NOS3: variants seen among roughly 807,000 people sequenced by gnomAD.
The protein encoded by NOS3 is nitric oxide synthase 3.
A neutral mutation model predicts 144.9 loss-of-function variants in NOS3; 98 were observed. That is an observed-to-expected ratio of 0.68 (90% confidence interval 0.57 to 0.80). The LOEUF is 0.80. NOS3 is among the 30% of genes least tolerant of loss of function. The probability of loss-of-function intolerance (pLI) is 0.00; values close to 1 mark genes in which losing one functional copy is unlikely to be tolerated. For missense variants in NOS3, 1,465 were observed against 1,656.4 expected, an observed-to-expected ratio of 0.88 and a Z score of 2.01; for synonymous variants, 714 against 702.4, an observed-to-expected ratio of 1.02 and a Z score of -0.26.
chr7:151,010,145 C>A lies in NOS3; in HGVS notation c.2543C>A (p.Pro848His). Residue 848 changes from proline (P) to histidine (H), a missense_variant, in exon 21 of 27, where the codon CCC becomes CAC. Physicochemically the swap from Pro to His is moderately conservative, Grantham distance 77. This residue lies in a region of NOS3 where 745 missense variants were observed against 853.9 expected (regional missense o/e 0.87). Coordinates refer to ENST00000297494, the MANE Select transcript of NOS3 (RefSeq NM_000603.5). Reference protein sequence around the residue: ...GGPPPGWVRDPRLPPCTLRQA... With the variant: ...GGPPPGWVRDHRLPPCTLRQA... ...CCTCCCCCCGGCTGGGTGCGGGACC[C>A]CCGGCTGCCCCCGTGCACGCTGCGC... 5.6e-6 allele frequency: 9 copies of A among 1,608,790 alleles called. No individual in the cohort carries two copies. The highest frequency in any genetic ancestry group is 7.6e-6 in the Non-Finnish European group (9 of 1,178,000).
Position 151,006,492 on chromosome 7 carries a change from C to T in NOS3, c.1818C>T (p.His606=). 1 of 1,612,912 alleles carries T rather than the reference C, an allele frequency of 6.2e-7. No individual in the cohort carries two copies. Among genetic ancestry groups the T allele is most frequent in the Non-Finnish European group, 8.5e-7 (1 of 1,179,384 alleles). ...ACAGCTCCCCTCGGCCGGAACAGCACAAGTGAGTTGGGTGAGAGTTTGGGG... is the reference window on the plus strand; with the variant it reads ...ACAGCTCCCCTCGGCCGGAACAGCATAAGTGAGTTGGGTGAGAGTTTGGGG... ...PYNSSPRPEQ[H]KSYKIRFNSI... is the part of the protein sequence containing the mutation. The change falls in exon 15 of 27, where the codon CAC becomes CAT. Residue 606 remains histidine, a splice_region_variant and synonymous_variant. Coordinates refer to ENST00000297494, the MANE Select transcript of NOS3 (RefSeq NM_000603.5).
rs147410968 is a variant in NOS3, at chr7:151,002,208, T to C, written c.1656T>C (p.Cys552=). The C allele has an allele frequency of 5.7e-5, 90 of 1,591,416 alleles. No individual in the cohort carries two copies. The highest frequency in any genetic ancestry group is 7.1e-5 in the Admixed American group (4 of 56,658). ...TGTCTTCCCACCCACAGGTCCTGTG[T>C]ATGGATGAGTATGACGTGGTGTCCC... The part of the protein sequence containing the change: ...FRKAFDPRVL[C]MDEYDVVSLE... Residue 552 remains cysteine (C), a synonymous_variant, in exon 14 of 27, where the codon TGT becomes TGC. Transcript: ENST00000297494. This position sits in a 1 kb window ranked among gnomAD's most constrained non-coding sequence, Gnocchi z 4.1.
Position 151,003,781 on chromosome 7 carries a change from G to A in NOS3, c.1752+1477G>A, listed in dbSNP as rs1795165067. ...GAGGCTGTTTTTGAGGCGCACTCGT[G>A]TTGCTGCGTGACTCAGTATTTCACT... is the stretch of plus-strand genomic sequence containing the variant. On this transcript the variant is annotated intron_variant, in intron 14 of 26. Coordinates refer to ENST00000297494, the MANE Select transcript of NOS3 (RefSeq NM_000603.5). This position sits in a 1 kb window ranked among gnomAD's most constrained non-coding sequence, Gnocchi z 4.1. 1 of 468,082 alleles carries A rather than the reference G, an allele frequency of 2.1e-6. No homozygotes were observed. Among genetic ancestry groups the A allele is most frequent in the South Asian group, 1.6e-5 (1 of 64,382 alleles). The allele number at this position is 468,082 out of a possible 1,614,324, so 29.0% of individuals were successfully genotyped here.
At chr7:151,001,133 G>C (rs948279746) in intron 10 of NOS3, 98 bp from the exon 11 acceptor site, 5 of 1,217,008 alleles carry the variant, frequency 4.1e-6, no homozygotes, top group Non-Finnish European at 5.9e-6. Flanking sequence ...TGGGGTAATC[G>C]AGGGCACATG....
Position 151,006,479 on chromosome 7 carries a change from G to T in NOS3, c.1805G>T (p.Arg602Leu), listed in dbSNP as rs145168353. 17 of 1,613,686 alleles carry T rather than the reference G, an allele frequency of 1.1e-5. No individual in the cohort carries two copies. The highest frequency in any genetic ancestry group is 3.3e-5 in the South Asian group (3 of 91,064). The change falls in exon 15 of 27, where the codon CGG becomes CTG. Residue 602 changes from arginine to leucine, a missense_variant. Transcript: ENST00000297494. ...TCCGGCCCCTACAACAGCTCCCCTC[G>T]GCCGGAACAGCACAAGTGAGTTGGG... The part of the protein sequence containing the change: ...EMSGPYNSSP[R>L]PEQHKSYKIR...
At chr7:151,009,612 G>T (rs1437467362) in intron 20 of NOS3, 27 bp downstream of exon 20, 3 of 1,496,462 alleles carry the variant, frequency 2.0e-6, no homozygotes, top group Non-Finnish European at 2.7e-6. Flanking sequence ...GAAGCAACAG[G>T]GCACACCAGC....
At chr7:150,992,419 T>C (rs1005774764) in intron 1 of NOS3, among the ~76,000 whole-genome samples, 13 of 152,160 alleles carry the variant, frequency 8.5e-5, no homozygotes, top group African/African-American at 3.1e-4. Flanking sequence ...GCCTCAGGCT[T>C]GGGGTCATGG....
chr7:151,005,160 G>A (rs937711466), intron 14 of NOS3, among the ~76,000 whole-genome samples: 4 of 152,156 alleles, frequency 2.6e-5, no homozygotes, highest in African/African-American at 7.2e-5. Context: ...TTTCTCGATG[G>A]GATGCTGGTT....
Position 151,009,224 on chromosome 7 carries a change from G to C in NOS3, c.2281G>C (p.Ala761Pro). 3.1e-6 allele frequency: 5 copies of C among 1,613,892 alleles called. No individual in the cohort carries two copies. Among genetic ancestry groups the C allele is most frequent in the Non-Finnish European group, 4.2e-6 (5 of 1,179,896 alleles). Reference protein sequence around the residue: ...IHVHRRKMFQATIRSVENLQS... With the variant: ...IHVHRRKMFQPTIRSVENLQS... ...CGTGCACAGGCGGAAGATGTTCCAGGCTACAATCCGCTCAGTGGAAAACCT... is the reference window on the plus strand; with the variant it reads ...CGTGCACAGGCGGAAGATGTTCCAGCCTACAATCCGCTCAGTGGAAAACCT... Residue 761 changes from alanine to proline, a missense_variant, in exon 19 of 27, where the codon GCT (alanine) becomes CCT (proline). By Grantham distance (27) the Ala-to-Pro change is conservative. Transcript: ENST00000297494.
At chr7:151,007,827 G>C (rs1052842882) in intron 17 of NOS3, among the ~76,000 whole-genome samples, 1 of 152,212 alleles carries the variant, frequency 6.6e-6, no homozygotes, top group Non-Finnish European at 1.5e-5. Context: ...CTCAGGGGCA[G>C]TGCTGCCTGT....
At chr7:150,996,598 C>T in intron 4 of NOS3, 46 bp downstream of exon 4, 5 of 1,555,376 alleles carry the variant, frequency 3.2e-6, no homozygotes, top group Non-Finnish European at 4.4e-6. Context: ...CCACTGAGGC[C>T]CCAGAAACCC....
Position 150,993,336 on chromosome 7 carries a change from A to G in NOS3, c.-51-417A>G, listed in dbSNP as rs1290277278. On this transcript the variant is annotated intron_variant, in intron 1 of 26. Coordinates refer to ENST00000297494, the MANE Select transcript of NOS3 (RefSeq NM_000603.5). This position sits in a 1 kb window ranked among gnomAD's most constrained non-coding sequence, Gnocchi z 4.0. Reference sequence around the variant, plus strand: ...CCTAGAGGTCCCTGTGGTCACTGAGAGTGTGGGCTGCCATCCCCTGCTACA... The same window carrying G: ...CCTAGAGGTCCCTGTGGTCACTGAGGGTGTGGGCTGCCATCCCCTGCTACA... 7.9e-5 allele frequency among the ~76,000 whole-genome samples: 12 copies of G among 152,114 alleles called. No homozygotes were observed. The highest frequency in any genetic ancestry group is 4.4e-5 in the Non-Finnish European group (3 of 68,018).
rs1802476977 is a variant in NOS3, at chr7:150,998,228, A to G, written c.583-129A>G. Reference sequence around the variant, plus strand: ...GCAGGAAGGGATCAGTGTGGCTGCCAATGGTCAGGAGGGCGCCATGGAGTG... The same window carrying G: ...GCAGGAAGGGATCAGTGTGGCTGCCGATGGTCAGGAGGGCGCCATGGAGTG... On this transcript the variant is annotated intron_variant, in intron 5 of 26. Transcript: ENST00000297494. The surrounding 1 kb of genome is among the most constrained non-coding windows in gnomAD (Gnocchi z 5.0). 1 of 745,392 alleles carries G rather than the reference A, an allele frequency of 1.3e-6. No homozygotes were observed. Among genetic ancestry groups the G allele is most frequent in the South Asian group, 1.8e-5 (1 of 57,054 alleles). The allele number at this position is 745,392 out of a possible 1,614,324, so 46.2% of individuals were successfully genotyped here.
In NOS3 at chr7:151,013,772, C is replaced by T. The variant is rs1317099509; in HGVS notation, c.3304C>T (p.Arg1102Cys). 19 of 1,611,362 alleles carry T rather than the reference C, an allele frequency of 1.2e-5. No homozygotes were observed. Among genetic ancestry groups the T allele is most frequent in the Non-Finnish European group, 1.6e-5 (19 of 1,179,354 alleles). ...GACGGAGCTGGCTGCGGAGGTGCAC[C>T]GCGTGCTGTGCCTCGAGCGGGGCCA... is the stretch of plus-strand genomic sequence containing the variant. ...LRTELAAEVH[R>C]VLCLERGHMF... is the part of the protein sequence containing the mutation. Residue 1102 changes from arginine (R) to cysteine (C), a missense_variant, in exon 26 of 27, where the codon CGC (arginine) becomes TGC (cysteine). By Grantham distance (180) the Arg-to-Cys change is radical. This residue lies in a region of NOS3 where 228 missense variants were observed against 227.7 expected (regional missense o/e 1.00). Coordinates refer to ENST00000297494, the MANE Select transcript of NOS3 (RefSeq NM_000603.5).
At position 151,006,468 on chromosome 7, in the gene NOS3, C is replaced by T. The variant is rs546714296; in HGVS notation, c.1794C>T (p.Asn598=). The change falls in exon 15 of 27, where the codon AAC becomes AAT. Residue 598 remains asparagine, a synonymous_variant. Coordinates refer to ENST00000297494, the MANE Select transcript of NOS3 (RefSeq NM_000603.5). ...TGATGGAGATGTCCGGCCCCTACAA[C>T]AGCTCCCCTCGGCCGGAACAGCACA... The part of the protein sequence containing the change: ...AALMEMSGPY[N]SSPRPEQHKS... The T allele has an allele frequency of 1.2e-4, 190 of 1,613,832 alleles. No homozygotes were observed. Among genetic ancestry groups the T allele is most frequent in the Non-Finnish European group, 1.5e-4 (178 of 1,179,962 alleles).
In NOS3 at chr7:150,998,968, C is replaced by A. The variant is rs1024836348; in HGVS notation, c.839C>A (p.Thr280Asn). The change falls in exon 8 of 27, where the codon ACC becomes AAC. Residue 280 changes from threonine to asparagine, a missense_variant. Transcript: ENST00000297494. The surrounding 1 kb of genome is among the most constrained non-coding windows in gnomAD (Gnocchi z 5.0). ...ITELCIQHGW[T>N]PGNGRFDVLP... ...CAGCTCTGCATTCAGCACGGCTGGACCCCAGGAAACGGTCGCTTCGACGTG... is the reference window on the plus strand; with the variant it reads ...CAGCTCTGCATTCAGCACGGCTGGAACCCAGGAAACGGTCGCTTCGACGTG... 3.7e-6 allele frequency: 6 copies of A among 1,612,516 alleles called. No individual in the cohort carries two copies. The highest frequency in any genetic ancestry group is 4.2e-6 in the Non-Finnish European group (5 of 1,179,890).
In NOS3 at chr7:150,999,208, C is replaced by A. The variant is rs2117111683; in HGVS notation, c.975C>A (p.Ala325=). ...LEHPTLEWFA[A]LGLRWYALPA... ...CCCCCAGGCTGGAGTGGTTTGCAGC[C>A]CTGGGCCTGCGCTGGTACGCCCTCC... is the stretch of plus-strand genomic sequence containing the variant. The change falls in exon 9 of 27, where the codon GCC becomes GCA. Residue 325 remains alanine (A), a synonymous_variant. Transcript: ENST00000297494. 17 of 1,609,760 alleles carry A rather than the reference C, an allele frequency of 1.1e-5. No homozygotes were observed. Among genetic ancestry groups the A allele is most frequent in the Non-Finnish European group, 1.4e-5 (17 of 1,178,794 alleles).
At chr7:151,013,643 G>C (rs1795361287) in intron 25 of NOS3, 81 bp from the exon 26 acceptor site, 5 of 1,291,802 alleles carry the variant, frequency 3.9e-6, no homozygotes, top group Non-Finnish European at 5.2e-6. Flanking sequence ...AGACTTTCAC[G>C]TCCAGGGCCA....
At chr7:151,004,266 G>GT (rs1185219320) in intron 14 of NOS3, among the ~76,000 whole-genome samples, 3 of 152,216 alleles carry the variant, frequency 2.0e-5, no homozygotes, top group African/African-American at 7.2e-5. Flanking sequence ...AACCTGGGAG[G>GT]TGGAGGTTGC....
Sources: gnomAD v4.1 joint callset for allele counts (sites outside exome capture counted in the v4.1 genomes callset) on GRCh38, gnomAD v4.1.1 for gene constraint, gnomAD v4.1.1 regional missense constraint, Gnocchi (gnomAD v3.1) non-coding constraint, MANE v1.5 for transcripts, NCBI Gene and HGNC (gene_info 2026-07-23, HGNC 2026-07-21) for gene names.